The following DOCK1 variants were observed in gnomAD, a reference collection of about 807,000 sequenced individuals.
The protein encoded by DOCK1 is dedicator of cytokinesis protein 1.
In DOCK1, 138 loss-of-function variants were observed where a neutral mutation model predicts 262.7. That is an observed-to-expected ratio of 0.53 (90% CI 0.46 to 0.61). The LOEUF is 0.61. Among genes scored for constraint, DOCK1 ranks in the 20% least tolerant of loss-of-function variants. DOCK1 has a pLI of 0.00. For missense variants in DOCK1, 1,908 were observed against 2,370.7 expected, an observed-to-expected ratio of 0.80 and a Z score of 4.05; for synonymous variants, 866 against 867.4, an observed-to-expected ratio of 1.00 and a Z score of 0.03.
At chr10:127,061,929 CTTTTTTTTTTTTT>C (rs562310710) in intron 23 of DOCK1, among the ~76,000 whole-genome samples, 153 bp downstream of exon 23, 3 of 71,794 alleles carry the variant, frequency 4.2e-5, no homozygotes, top group African/African-American at 1.9e-4. Flanking sequence ...AAGAGCTGTG[CTTTTTTTTTTTTT>C]TTTTTTTTTT....
intron 1 of DOCK1, among the ~76,000 whole-genome samples, chr10:126,912,770 G>A (rs1359334830): frequency 6.6e-6 from 1 of 151,328 alleles, no homozygotes; most frequent in Admixed American, 6.6e-5. Flanking sequence ...AGTCATGCTG[G>A]ATAAGGGCCT....
chr10:127,383,909 TCTGTTTTTTTTTCTTCTTCTTC>T (rs1419865054), intron 37 of DOCK1, among the ~76,000 whole-genome samples: 28 of 152,150 alleles, frequency 1.8e-4, no homozygotes, highest in Admixed American at 4.6e-4. Context: ...TTTTTCTTGT[TCTGTTTTTTTTTCTTCTTCTTC>T]CTGTAGAAGG....
At chr10:126,942,071 C>T (rs1031762629) in intron 1 of DOCK1, among the ~76,000 whole-genome samples, 13 of 151,988 alleles carry the variant, frequency 8.6e-5, no homozygotes, top group Non-Finnish European at 1.3e-4. Context: ...GTCGCCCAGG[C>T]TGGAGTGCAG....
At chr10:127,258,699 G>A (rs1355963342) in intron 29 of DOCK1, among the ~76,000 whole-genome samples, 4 of 152,296 alleles carry the variant, frequency 2.6e-5, no homozygotes, top group South Asian at 4.1e-4. Flanking sequence ...TGCACATTTC[G>A]TGACGTAGGA....
At chr10:127,303,924 G>A (rs1192332646) in intron 29 of DOCK1, among the ~76,000 whole-genome samples, 1 of 152,212 alleles carries the variant, frequency 6.6e-6, no homozygotes, top group Non-Finnish European at 1.5e-5. Context: ...AAACGTGCAA[G>A]AATGGAATTG....
chr10:126,992,752 A>T (rs11016799), intron 6 of DOCK1, among the ~76,000 whole-genome samples: 1 of 136,120 alleles, frequency 7.3e-6, no homozygotes, highest in Non-Finnish European at 1.6e-5. Context: ...ACACACACAC[A>T]CACACACACA....
At chr10:127,341,345 G>A (rs761807014) in intron 30 of DOCK1, among the ~76,000 whole-genome samples, 1 of 152,038 alleles carries the variant, frequency 6.6e-6, no homozygotes, top group Non-Finnish European at 1.5e-5. Context: ...TTTTCCACTC[G>A]TTTTCTACTG....
At chr10:127,199,607 A>G (rs147702520) in intron 27 of DOCK1, among the ~76,000 whole-genome samples, 1 of 152,208 alleles carries the variant, frequency 6.6e-6, no homozygotes, top group Non-Finnish European at 1.5e-5. Context: ...TTATGACATG[A>G]TTCCCTTTAG....
intron 27 of DOCK1, among the ~76,000 whole-genome samples, chr10:127,145,175 T>C (rs2051684530): frequency 6.6e-6 from 1 of 152,092 alleles, no homozygotes; most frequent in Non-Finnish European, 1.5e-5. Flanking sequence ...TCTAGGTGCC[T>C]GGGTCTGAGG....
intron 1 of DOCK1, among the ~76,000 whole-genome samples, chr10:126,927,985 T>C (rs1243357258): frequency 2.0e-5 from 3 of 152,076 alleles, no homozygotes; most frequent in Non-Finnish European, 4.4e-5. Flanking sequence ...TGCCACCTGG[T>C]CTGCGAACGC....
At chr10:127,261,035 G>A (rs1321632874) in intron 29 of DOCK1, among the ~76,000 whole-genome samples, 1 of 142,468 alleles carries the variant, frequency 7.0e-6, no homozygotes, top group Non-Finnish European at 1.5e-5. Flanking sequence ...GTGTCTGTAT[G>A]TGTGTACCCG....
intron 27 of DOCK1, among the ~76,000 whole-genome samples, chr10:127,210,043 T>C (rs552759109): frequency 2.1e-4 from 32 of 152,308 alleles, no homozygotes; most frequent in Non-Finnish European, 4.1e-4. Flanking sequence ...CTTTCTCTCT[T>C]TCTAGTCACC....
chr10:126,930,295 C>T (rs1424693838), intron 1 of DOCK1, among the ~76,000 whole-genome samples: 1 of 152,212 alleles, frequency 6.6e-6, no homozygotes, highest in Non-Finnish European at 1.5e-5. Context: ...AGCAGGTGCT[C>T]AGTTCTCTTG....
chr10:127,301,193 G>A (rs1359484325), intron 29 of DOCK1, among the ~76,000 whole-genome samples: 1 of 152,182 alleles, frequency 6.6e-6, no homozygotes, highest in African/African-American at 2.4e-5. Flanking sequence ...TTTCAGTGCC[G>A]CTTGAATACA....
At chr10:127,131,853 G>T (rs1453514310) in intron 27 of DOCK1, among the ~76,000 whole-genome samples, 4 of 152,114 alleles carry the variant, frequency 2.6e-5, no homozygotes, top group African/African-American at 9.7e-5. Flanking sequence ...GCCTTTATGT[G>T]TTACTCATTT....
At chr10:127,358,395 C>G (rs1053787887) in intron 32 of DOCK1, among the ~76,000 whole-genome samples, 5 of 152,150 alleles carry the variant, frequency 3.3e-5, no homozygotes, top group African/African-American at 1.2e-4. Flanking sequence ...AGCAGGCTCT[C>G]TCTCAAAAGA....
At chr10:127,143,165 G>A (rs545214173) in intron 27 of DOCK1, among the ~76,000 whole-genome samples, 14 of 152,358 alleles carry the variant, frequency 9.2e-5, no homozygotes, top group African/African-American at 3.1e-4. Flanking sequence ...GATAATTTAA[G>A]AGGAACACAT....
chr10:127,238,704 G>A (rs2059159371), intron 27 of DOCK1, among the ~76,000 whole-genome samples: 1 of 152,114 alleles, frequency 6.6e-6, no homozygotes, highest in South Asian at 2.1e-4. Context: ...CACCTCCTGT[G>A]TCCTTTTGAC....
intron 1 of DOCK1, among the ~76,000 whole-genome samples, chr10:126,968,459 A>T (rs1312981172): frequency 6.6e-6 from 1 of 152,084 alleles, no homozygotes; most frequent in Non-Finnish European, 1.5e-5. Context: ...TCACAGTTAA[A>T]TGTGAAGTTT....
Sources: allele counts gnomAD v4.1 joint callset (sites outside exome capture counted in the v4.1 genomes callset), GRCh38; gene constraint gnomAD v4.1.1; transcripts MANE v1.5; gene names NCBI Gene and HGNC (gene_info 2026-07-23, HGNC 2026-07-21).